HEMGN: variants seen among roughly 807,000 people sequenced by gnomAD.
HEMGN encodes the protein hemogen.
In HEMGN, 32 loss-of-function variants were observed where a neutral mutation model predicts 45.7. The observed-to-expected ratio is 0.70, with a 90% CI of 0.53 to 0.94. The LOEUF (loss-of-function observed/expected upper bound fraction) is 0.94. HEMGN is among the 40% of genes least tolerant of loss of function. The probability of loss-of-function intolerance (pLI) is 0.00; values close to 1 mark genes in which losing one functional copy is unlikely to be tolerated. For synonymous variants in HEMGN, 183 were observed against 178.6 expected, an observed-to-expected ratio of 1.02 and a Z score of -0.20; for missense variants, 530 against 564.2, an observed-to-expected ratio of 0.94 and a Z score of 0.61.
chr9:97,928,045 G>C (rs1000803091), intron 3 of HEMGN, among the ~76,000 whole-genome samples: 13 of 48,516 alleles, frequency 2.7e-4, no homozygotes, highest in African/African-American at 1.1e-3. Context: ...TTTTTTTTTT[G>C]AGCCGGAGTC....
rs199724877 is a variant in HEMGN at position 97,937,960 on chromosome 9, C to CTTT, written c.79+95_79+97dup. ...AGTCTCATTAGCTTTCATTTATTTC[C>CTTT]TTTTTTTTTTTTTTTGGCCAGATCC... is the stretch of plus-strand genomic sequence containing the variant. On this transcript the variant is annotated intron_variant, in intron 1 of 3. Transcript: ENST00000616898. 181 of 500,424 alleles carry CTTT rather than the reference C, an allele frequency of 3.6e-4. 1 individual carries two copies. The highest frequency in any genetic ancestry group is 5.4e-4 in the South Asian group (20 of 37,054). The allele number at this position is 500,424 out of a possible 1,614,324, so 31.0% of individuals were successfully genotyped here.
At chr9:97,938,378 A>T, upstream of HEMGN, 2 of 420,878 alleles carry the variant, frequency 4.8e-6, no homozygotes, top group Non-Finnish European at 4.2e-6. Flanking sequence ...AACCCCTAGC[A>T]TAGGTTGCTA....
At chr9:97,938,309 A>G (rs1438083374), upstream of HEMGN, 5 of 604,932 alleles carry the variant, frequency 8.3e-6, no homozygotes, top group Non-Finnish European at 1.2e-5. Flanking sequence ...ACTGCAGGCT[A>G]ATTCTACTAT....
At chr9:97,939,380 G>A (rs1410311857), upstream of HEMGN, among the ~76,000 whole-genome samples, 1 of 152,182 alleles carries the variant, frequency 6.6e-6, no homozygotes, top group African/African-American at 2.4e-5. Context: ...TTTTGGTAAA[G>A]CAAGTCATAG....
Position 97,930,291 on chromosome 9 carries a change from A to AG in HEMGN, c.1103dup (p.Glu369Ter). The stretch of plus-strand genomic sequence containing the variant: ...GCCCAGGTATTTCTTGATACGTTTC[A>AG]GGTGAATATTTTTCAGACCCAGGAG... On this transcript the variant is annotated frameshift_variant, in exon 3 of 4. Transcript: ENST00000616898. LOFTEE classifies it high-confidence loss of function. 6.2e-7 allele frequency: 1 copy of AG among 1,614,092 alleles called. No homozygotes were observed. The highest frequency in any genetic ancestry group is 2.2e-5 in the East Asian group (1 of 44,888).
intron 2 of HEMGN, among the ~76,000 whole-genome samples, chr9:97,934,352 G>T (rs1044024113): frequency 6.7e-6 from 1 of 149,212 alleles, no homozygotes; most frequent in Non-Finnish European, 1.5e-5. Flanking sequence ...GTCTCAAAAC[G>T]AGTGAATGAA....
upstream of HEMGN, among the ~76,000 whole-genome samples, chr9:97,940,952 T>C (rs1827143234): frequency 6.6e-6 from 1 of 152,194 alleles, no homozygotes; most frequent in Admixed American, 6.5e-5. Flanking sequence ...CTCTTTCTAC[T>C]GTCATTCATT....
chr9:97,940,237 T>C (rs1004966841), upstream of HEMGN, among the ~76,000 whole-genome samples: 33 of 152,194 alleles, frequency 2.2e-4, no homozygotes, highest in African/African-American at 8.0e-4. Context: ...GTGCAGTTCC[T>C]GAGCCCTGTG....
chr9:97,944,214 T>C (rs1457984938), intron 1 of HEMGN, among the ~76,000 whole-genome samples: 1 of 152,212 alleles, frequency 6.6e-6, no homozygotes, highest in East Asian at 1.9e-4. Flanking sequence ...TTATCACTTA[T>C]TAGCTGGATG....
chr9:97,927,168 T>TACACACACACACACACACACACAC lies in HEMGN; in HGVS notation c.*192_*215dup. On this transcript the variant is annotated 3_prime_UTR_variant, in exon 4 of 4. Coordinates refer to ENST00000616898, the MANE Select transcript of HEMGN (RefSeq NM_197978.3). Reference sequence around the variant, plus strand: ...ATCCTCTCCCCGACCTATACATACATACACACACACACACACACACACACA... The same window carrying TACACACACACACACACACACACAC: ...ATCCTCTCCCCGACCTATACATACATACACACACACACACACACACACACACACACACACACACACACACACACA... 1 of 316,512 alleles carries TACACACACACACACACACACACAC rather than the reference T, an allele frequency of 3.2e-6. No individual in the cohort carries two copies. The allele number at this position is 316,512 out of a possible 1,614,324, so 19.6% of individuals were successfully genotyped here.
intron 2 of HEMGN, among the ~76,000 whole-genome samples, chr9:97,933,863 G>A (rs1827003467): frequency 6.6e-6 from 1 of 152,122 alleles, no homozygotes; most frequent in Non-Finnish European, 1.5e-5. Flanking sequence ...CTGCCAAGAG[G>A]CTCACTAAGG....
rs1826922045 is a variant in HEMGN at position 97,930,379 on chromosome 9, GA to G, written c.1015del (p.Ser339LeufsTer18). The G allele has an allele frequency of 1.9e-6, 3 of 1,613,982 alleles. No individual in the cohort carries two copies. The highest frequency in any genetic ancestry group is 2.5e-6 in the Non-Finnish European group (3 of 1,179,924). On this transcript the variant is annotated frameshift_variant, in exon 3 of 4. Transcript: ENST00000616898. LOFTEE classifies it high-confidence loss of function. ...CNEIIVPKAP[S>X]HKTIQETPHS... ...AGGTGTTTCTTGGATTGTTTTATGA[GA>G]GGGGGCTTTAGGCACAATAATTTCG...
rs139808473 is a variant in HEMGN, at chr9:97,930,804, A to G, written c.591T>C (p.Pro197=). The G allele has an allele frequency of 2.6e-5, 42 of 1,614,062 alleles. No homozygotes were observed. Among genetic ancestry groups the G allele is most frequent in the Non-Finnish European group, 3.4e-5 (40 of 1,180,026 alleles). ...SSKICQDMKE[P]EDNSPNTCQV... is the part of the protein sequence containing the mutation. ...GGCATGTGTTAGGAGAGTTGTCTTC[A>G]GGTTCCTTCATGTCTTGGCATATTT... Residue 197 remains proline, a synonymous_variant, in exon 3 of 4, where the codon CCT becomes CCC. Transcript: ENST00000616898.
At position 97,927,178 on chromosome 9, in the gene HEMGN, C is replaced by T. The variant is rs1304040087; in HGVS notation, c.*206G>A. ...CGACCTATACATACATACACACACA[C>T]ACACACACACACACACACACATTCT... On this transcript the variant is annotated 3_prime_UTR_variant, in exon 4 of 4. Transcript: ENST00000616898. 15 of 332,102 alleles carry T rather than the reference C, an allele frequency of 4.5e-5. No individual in the cohort carries two copies. The highest frequency in any genetic ancestry group is 8.0e-5 in the Non-Finnish European group (14 of 174,154). The allele number at this position is 332,102 out of a possible 1,614,324, so 20.6% of individuals were successfully genotyped here. A position where few individuals can be genotyped will look rare whatever the true frequency, so the allele number is the denominator to read the frequency against.
chr9:97,935,268 G>A (rs977018785), intron 2 of HEMGN, among the ~76,000 whole-genome samples: 2 of 152,174 alleles, frequency 1.3e-5, no homozygotes, highest in Non-Finnish European at 2.9e-5. Flanking sequence ...TTTGGGGATT[G>A]GAAAATGCCC....
At chr9:97,928,181 C>G (rs1449917817) in intron 3 of HEMGN, among the ~76,000 whole-genome samples, 2 of 152,098 alleles carry the variant, frequency 1.3e-5, no homozygotes, top group Admixed American at 1.3e-4. Flanking sequence ...CGCCCGCCAC[C>G]GCGCCCGGCT....
At position 97,927,344 on chromosome 9, in the gene HEMGN, T is replaced by C. The variant is rs770270240; in HGVS notation, c.*40A>G. 8.3e-6 allele frequency: 9 copies of C among 1,083,526 alleles called. No homozygotes were observed. Among genetic ancestry groups the C allele is most frequent in the Non-Finnish European group, 1.2e-5 (9 of 721,224 alleles). The allele number at this position is 1,083,526 out of a possible 1,614,324, so 67.1% of individuals were successfully genotyped here. On this transcript the variant is annotated 3_prime_UTR_variant, in exon 4 of 4. Transcript: ENST00000616898. ...GAAAATCACGCATAAACTATTAAGCTGTATGTTCCATTGGACCACAACTTT... is the reference window on the plus strand; with the variant it reads ...GAAAATCACGCATAAACTATTAAGCCGTATGTTCCATTGGACCACAACTTT...
chr9:97,939,627 G>T (rs1180754924), upstream of HEMGN, among the ~76,000 whole-genome samples: 1 of 152,116 alleles, frequency 6.6e-6, no homozygotes, highest in African/African-American at 2.4e-5. Context: ...ATTAGGAGAT[G>T]GGTCATCATT....
chr9:97,944,438 A>G (rs1827194223), intron 1 of HEMGN, among the ~76,000 whole-genome samples: 2 of 152,136 alleles, frequency 1.3e-5, no homozygotes, highest in Admixed American at 6.6e-5. Flanking sequence ...AGTGTCCCAC[A>G]TGCTCATTCC....
Sources: allele counts gnomAD v4.1 joint callset (sites outside exome capture counted in the v4.1 genomes callset), GRCh38; gene constraint gnomAD v4.1.1; transcripts MANE v1.5; gene names NCBI Gene and HGNC (gene_info 2026-07-23, HGNC 2026-07-21).